Variants in PHKB observed in about 807,000 individuals in gnomAD.
The protein encoded by PHKB is phosphorylase kinase regulatory subunit beta, also known as phosphorylase b kinase regulatory subunit beta.
PHKB carries 122 observed loss-of-function variants against 152.1 expected under a neutral mutation model. That is an observed-to-expected ratio of 0.80 (90% CI 0.69 to 0.93). The LOEUF (loss-of-function observed/expected upper bound fraction) is 0.93. PHKB is among the 40% of genes least tolerant of loss of function. PHKB has a pLI of 0.00. For missense variants in PHKB, 1,304 were observed against 1,328.4 expected (o/e 0.98, Z 0.29); for synonymous variants, 436 against 464.9 (o/e 0.94, Z 0.80).
intron 7 of PHKB, among the ~76,000 whole-genome samples, chr16:47,555,998 G>T (rs1971362230): frequency 6.6e-6 from 1 of 152,154 alleles, no homozygotes; most frequent in Non-Finnish European, 1.5e-5. Flanking sequence ...CATGTCCCTT[G>T]TAAGTTGGAT....
At chr16:47,569,309 A>G (rs1241934129) in intron 7 of PHKB, among the ~76,000 whole-genome samples, 4 of 152,178 alleles carry the variant, frequency 2.6e-5, no homozygotes, top group Non-Finnish European at 5.9e-5. Context: ...TTTTTCTCAT[A>G]TAAAATAGCT....
chr16:47,477,487 C>CACCA (rs1418914908), intron 1 of PHKB, among the ~76,000 whole-genome samples: 1 of 152,024 alleles, frequency 6.6e-6, no homozygotes, highest in Admixed American at 6.5e-5. Context: ...GAATAAAATT[C>CACCA]AGTTTATTTA....
chr16:47,489,350 T>C (rs892826498), intron 1 of PHKB, among the ~76,000 whole-genome samples: 2 of 152,240 alleles, frequency 1.3e-5, no homozygotes, highest in African/African-American at 2.4e-5. Flanking sequence ...TGAAACATAA[T>C]TTCTCTTCCT....
chr16:47,566,786 T>A (rs1971575477), intron 7 of PHKB: 1 of 736,356 alleles, frequency 1.4e-6, no homozygotes, highest in Non-Finnish European at 2.5e-6. Context: ...CCCAGCTGAC[T>A]GGTTTGGAAA....
chr16:47,471,762 G>T (rs754003994), intron 1 of PHKB, among the ~76,000 whole-genome samples: 1 of 152,210 alleles, frequency 6.6e-6, no homozygotes, highest in Non-Finnish European at 1.5e-5. Context: ...TGAATCAGAG[G>T]TATAAATGGT....
intron 25 of PHKB, chr16:47,665,599 A>G: frequency 2.8e-6 from 1 of 359,044 alleles, no homozygotes; most frequent in Non-Finnish European, 5.3e-6. Context: ...TTGTTAATGC[A>G]AAATCAGAAT....
intron 25 of PHKB, among the ~76,000 whole-genome samples, 196 bp from the exon 26 acceptor site, chr16:47,669,017 CTG>C (rs952411569): frequency 3.3e-5 from 5 of 152,176 alleles, no homozygotes; most frequent in Non-Finnish European, 7.3e-5. Context: ...TTAGACTAGA[CTG>C]TGAACCATCA....
intron 29 of PHKB, among the ~76,000 whole-genome samples, chr16:47,697,596 G>C (rs1974170259): frequency 6.6e-6 from 1 of 152,080 alleles, no homozygotes; most frequent in Non-Finnish European, 1.5e-5. Context: ...GGATTTTACT[G>C]TGTTTCCTTT....
At chr16:47,636,625 G>A (rs1972924861) in intron 14 of PHKB, among the ~76,000 whole-genome samples, 1 of 152,232 alleles carries the variant, frequency 6.6e-6, no homozygotes, top group African/African-American at 2.4e-5. Context: ...GTGTGCGCAC[G>A]CTCAGGGCAG....
At chr16:47,663,890 A>C in intron 24 of PHKB, 156 bp downstream of exon 24, 2 of 663,444 alleles carry the variant, frequency 3.0e-6, no homozygotes, top group East Asian at 5.4e-5. Context: ...CCTATGTAGC[A>C]TGTCTGTCCC....
chr16:47,575,002 G>A (rs1434484589), intron 7 of PHKB, among the ~76,000 whole-genome samples: 4 of 152,124 alleles, frequency 2.6e-5, no homozygotes, highest in Admixed American at 2.0e-4. Flanking sequence ...GTTTTGAGAG[G>A]GAGCATTCAG....
In PHKB at chr16:47,669,313, TG is replaced by T. The variant is rs1973595419; in HGVS notation, c.2527del (p.Asp843MetfsTer30). 1.2e-6 allele frequency: 2 copies of T among 1,613,918 alleles called. No individual in the cohort carries two copies. Among genetic ancestry groups the T allele is most frequent in the African/African-American group, 2.7e-5 (2 of 74,932 alleles). ...TCATCTATTATAAGTGTAACACCCA[TG>T]ATGAGAGGGAAGCGGTCATTCAGCA... is the stretch of plus-strand genomic sequence containing the variant. ...NIIYYKCNTHDEREAVIQQEL... is the reference protein window; with the variant it reads ...NIIYYKCNTHXEREAVIQQEL... On this transcript the variant is annotated frameshift_variant, in exon 26 of 31. Transcript: ENST00000323584. LOFTEE classifies it high-confidence loss of function.
At chr16:47,614,439 A>G (rs532852000) in intron 14 of PHKB, among the ~76,000 whole-genome samples, 1 of 152,352 alleles carries the variant, frequency 6.6e-6, no homozygotes, top group Admixed American at 6.5e-5. Context: ...TCACACATTG[A>G]AGAATATCCT....
At chr16:47,572,597 G>T (rs1055233470) in intron 7 of PHKB, among the ~76,000 whole-genome samples, 1 of 152,168 alleles carries the variant, frequency 6.6e-6, no homozygotes, top group Non-Finnish European at 1.5e-5. Context: ...GGGTGATGTT[G>T]GGTGGAGCTG....
chr16:47,582,641 C>T (rs550872531), intron 8 of PHKB, among the ~76,000 whole-genome samples: 1 of 152,134 alleles, frequency 6.6e-6, no homozygotes, highest in Non-Finnish European at 1.5e-5. Context: ...TTCTAATATA[C>T]AATCAAGGGC....
At chr16:47,528,938 C>T (rs930149149) in intron 6 of PHKB, among the ~76,000 whole-genome samples, 1 of 152,018 alleles carries the variant, frequency 6.6e-6, no homozygotes, top group African/African-American at 2.4e-5. Context: ...TCATGATCCA[C>T]CCACCTCAAC....
intron 1 of PHKB, among the ~76,000 whole-genome samples, chr16:47,491,272 C>CATATAGAACT (rs1268555909): frequency 6.6e-6 from 1 of 152,084 alleles, no homozygotes; most frequent in Non-Finnish European, 1.5e-5. Context: ...CCCTTACAGA[C>CATATAGAACT]ATATAGAACT....
chr16:47,523,404 A>G (rs1370756655), intron 6 of PHKB, among the ~76,000 whole-genome samples: 1 of 152,218 alleles, frequency 6.6e-6, no homozygotes, highest in East Asian at 1.9e-4. Flanking sequence ...GAGTTAGCTT[A>G]CTGGTCAGTT....
At chr16:47,535,795 A>G (rs1970941915) in intron 6 of PHKB, among the ~76,000 whole-genome samples, 1 of 152,186 alleles carries the variant, frequency 6.6e-6, no homozygotes, top group African/African-American at 2.4e-5. Flanking sequence ...TATTGTCTTA[A>G]TGATACTCTT....
Sources: gnomAD v4.1 joint callset for allele counts (sites outside exome capture counted in the v4.1 genomes callset) on GRCh38, gnomAD v4.1.1 for gene constraint, MANE v1.5 for transcripts, NCBI Gene and HGNC (gene_info 2026-07-23, HGNC 2026-07-21) for gene names.